The following SLC44A3 variants were observed in gnomAD, a reference collection of about 807,000 sequenced individuals.
SLC44A3 encodes the protein choline transporter-like protein 3.
A neutral mutation model predicts 75.4 loss-of-function variants in SLC44A3; 74 were observed. The ratio of observed to expected loss-of-function variants is 0.98; its 90% CI spans 0.81 to 1.19. The LOEUF (loss-of-function observed/expected upper bound fraction) is 1.19. SLC44A3 is among the 50% of genes most tolerant of loss of function. The pLI is 0.00. For synonymous variants in SLC44A3, 310 were observed against 296.9 expected (o/e 1.04, Z -0.45); for missense variants, 700 against 778.6 (o/e 0.90, Z 1.20).
At chr1:94,862,600 C>G (rs1190297780) in intron 10 of SLC44A3, among the ~76,000 whole-genome samples, 1 of 152,182 alleles carries the variant, frequency 6.6e-6, no homozygotes, top group East Asian at 1.9e-4. Flanking sequence ...AAAGCAGCCA[C>G]ACATCCAAAG....
chr1:94,859,345 C>T lies in SLC44A3; in HGVS notation c.1238+1845C>T, dbSNP rs142910306. On this transcript the variant is annotated intron_variant, in intron 10 of 14. Coordinates refer to ENST00000271227, the MANE Select transcript of SLC44A3 (RefSeq NM_001114106.3). ...CATGAAAGATTGAAACAGGCACAAA[C>T]ACACCAGGACAGTAAGAAACAGAGA... is the stretch of plus-strand genomic sequence containing the variant. Among the ~76,000 whole-genome samples, 312 of 152,216 alleles carry T rather than the reference C, an allele frequency of 2.0e-3. 2 individuals are homozygous for T. The highest frequency in any genetic ancestry group is 0.016 in the South Asian group (77 of 4,816).
Position 94,845,430 on chromosome 1 carries a change from C to T in SLC44A3, c.1038C>T (p.Leu346=). 6.2e-7 allele frequency: 1 copy of T among 1,613,474 alleles called. No individual in the cohort carries two copies. Among genetic ancestry groups the T allele is most frequent in the Non-Finnish European group, 8.5e-7 (1 of 1,179,970 alleles). Residue 346 remains leucine (L), a synonymous_variant, in exon 9 of 15, where the codon CTC becomes CTT. Coordinates refer to ENST00000271227, the MANE Select transcript of SLC44A3 (RefSeq NM_001114106.3). ...TFAILIFFWV[L]WVAVLLSLGT... ...CCATCCTCATTTTCTTCTGGGTCCT[C>T]TGGGTGGCTGTGCTGCTGAGCCTGG...
chr1:94,837,858 T>C lies in SLC44A3; in HGVS notation c.657T>C (p.Cys219=). ...MSGRDTILGL[C]ILALALSLAM... ...GAAGAGATACAATCCTTGGCCTGTGTATCCTCGCATTAGGTAATTCTCAGT... is the reference window on the plus strand; with the variant it reads ...GAAGAGATACAATCCTTGGCCTGTGCATCCTCGCATTAGGTAATTCTCAGT... The change falls in exon 6 of 15, where the codon TGT becomes TGC. Residue 219 remains cysteine, a synonymous_variant. Transcript: ENST00000271227. 1.3e-6 allele frequency: 2 copies of C among 1,596,284 alleles called. No individual in the cohort carries two copies. Among genetic ancestry groups the C allele is most frequent in the Non-Finnish European group, 1.7e-6 (2 of 1,174,840 alleles).
At chr1:94,848,550 G>T (rs1286019876) in intron 9 of SLC44A3, among the ~76,000 whole-genome samples, 1 of 152,188 alleles carries the variant, frequency 6.6e-6, no homozygotes, top group African/African-American at 2.4e-5. Context: ...CCCCTTGTTG[G>T]CTGTGAATCT....
At chr1:94,885,950 G>A (rs1372524390) in intron 12 of SLC44A3, among the ~76,000 whole-genome samples, 2 of 152,234 alleles carry the variant, frequency 1.3e-5, no homozygotes, top group African/African-American at 2.4e-5. Flanking sequence ...CATTAGGTCT[G>A]TGCCAAGGCA....
intron 10 of SLC44A3, among the ~76,000 whole-genome samples, chr1:94,864,295 A>G (rs899262254): frequency 6.6e-6 from 1 of 152,082 alleles, no homozygotes; most frequent in South Asian, 2.1e-4. Context: ...GGAGCTCACT[A>G]TTACCTCTCT....
At chr1:94,875,914 AG>A (rs1219903700) in intron 12 of SLC44A3, among the ~76,000 whole-genome samples, 3 of 152,360 alleles carry the variant, frequency 2.0e-5, no homozygotes, top group African/African-American at 7.2e-5. Flanking sequence ...GAGACTGCCC[AG>A]GTTTTTAACT....
chr1:94,884,535 G>A (rs1171271667), intron 12 of SLC44A3, among the ~76,000 whole-genome samples: 1 of 152,158 alleles, frequency 6.6e-6, no homozygotes, highest in Non-Finnish European at 1.5e-5. Context: ...TCTCAAGTTT[G>A]TTTTAGTAGT....
At chr1:94,825,302 A>G (rs551796787) in intron 3 of SLC44A3, among the ~76,000 whole-genome samples, 6 of 152,180 alleles carry the variant, frequency 3.9e-5, no homozygotes. Flanking sequence ...CTTGCTTCAC[A>G]TGACAGAACA....
chr1:94,875,955 C>T (rs1668238936), intron 12 of SLC44A3, among the ~76,000 whole-genome samples: 1 of 152,208 alleles, frequency 6.6e-6, no homozygotes, highest in African/African-American at 2.4e-5. Context: ...ATCAGCACAT[C>T]CAGTTTCCTC....
chr1:94,845,516 C>A, intron 9 of SLC44A3, 52 bp downstream of exon 9: 1 of 1,519,128 alleles, frequency 6.6e-7, no homozygotes, highest in South Asian at 1.3e-5. Context: ...ACACAGAAGA[C>A]CATTTTGGAA....
intron 12 of SLC44A3, among the ~76,000 whole-genome samples, chr1:94,886,107 G>A (rs958569002): frequency 3.3e-5 from 5 of 152,142 alleles, no homozygotes; most frequent in Non-Finnish European, 5.9e-5. Context: ...GACTGCTGGC[G>A]GGTCGGTGTG....
rs894520080 is a variant in SLC44A3, at chr1:94,835,390, C to G, written c.510-2321C>G. Among the ~76,000 whole-genome samples, 4 of 152,208 alleles carry G rather than the reference C, an allele frequency of 2.6e-5. No individual in the cohort carries two copies. In the East Asian group the frequency reaches 7.7e-4, roughly 29 times the overall value. On this transcript the variant is annotated intron_variant, in intron 5 of 14. Transcript: ENST00000271227. ...TAGAAAAAGGATGTTACGGTGAAAT[C>G]CAAATAAAGGCTGTAGTTTAGTTAG...
chr1:94,891,113 A>C lies in SLC44A3; in HGVS notation c.1483-17A>C, dbSNP rs752427417. On this transcript the variant is annotated splice_polypyrimidine_tract_variant and intron_variant, in intron 12 of 14. Coordinates refer to ENST00000271227, the MANE Select transcript of SLC44A3 (RefSeq NM_001114106.3). ...TGTTATAAGAATTATCTTTTAAACA[A>C]TTCTCTTCTGTTTCAGAATGCATAT... The C allele has an allele frequency of 6.3e-7, 1 of 1,586,346 alleles. No homozygotes were observed. The highest frequency in any genetic ancestry group is 1.1e-5 in the South Asian group (1 of 87,770).
At chr1:94,825,862 A>C in intron 3 of SLC44A3, 1 of 456,260 alleles carries the variant, frequency 2.2e-6, no homozygotes, top group Non-Finnish European at 4.4e-6. Flanking sequence ...AGGAGGAGGA[A>C]GGGCGACTTA....
At chr1:94,861,043 T>C (rs1459995180) in intron 10 of SLC44A3, among the ~76,000 whole-genome samples, 1 of 151,924 alleles carries the variant, frequency 6.6e-6, no homozygotes, top group Non-Finnish European at 1.5e-5. Flanking sequence ...GTGAGGCCCA[T>C]GGAAATCCAA....
In SLC44A3 at chr1:94,824,488, G is replaced by C. The variant is rs200741955; in HGVS notation, c.136-5G>C. ...CAGGCTCTCATATGCCCCCGTTTTT[G>C]CCAGGTGTTTATCATGGGCTACTCG... On this transcript the variant is annotated splice_polypyrimidine_tract_variant and splice_region_variant and intron_variant, in intron 2 of 14. Transcript: ENST00000271227. 14 of 1,589,988 alleles carry C rather than the reference G, an allele frequency of 8.8e-6. No homozygotes were observed. In the Admixed American group the frequency reaches 2.6e-4, roughly 30 times the overall value.
intron 11 of SLC44A3, among the ~76,000 whole-genome samples, chr1:94,865,745 T>C (rs1322758035): frequency 2.6e-5 from 4 of 152,228 alleles, no homozygotes; most frequent in Non-Finnish European, 5.9e-5. Flanking sequence ...TTCACAAACT[T>C]ACCTGATTCC....
intron 8 of SLC44A3, among the ~76,000 whole-genome samples, chr1:94,842,921 C>T (rs1233136236): frequency 6.6e-6 from 1 of 152,222 alleles, no homozygotes; most frequent in Non-Finnish European, 1.5e-5. Flanking sequence ...ACATTTTCTC[C>T]TTTCCACGGT....
Sources: gnomAD v4.1 joint callset for allele counts (sites outside exome capture counted in the v4.1 genomes callset) on GRCh38, gnomAD v4.1.1 for gene constraint, MANE v1.5 for transcripts, NCBI Gene and HGNC (gene_info 2026-07-23, HGNC 2026-07-21) for gene names.